Variants in ANAPC1 observed in about 807,000 individuals in gnomAD.
The protein encoded by ANAPC1 is anaphase-promoting complex subunit 1.
ANAPC1 carries 36 observed loss-of-function variants against 208.0 expected under a neutral mutation model. The observed-to-expected ratio is 0.17, with a 90% CI of 0.13 to 0.23. ANAPC1 has a LOEUF of 0.23. Ranked by LOEUF, ANAPC1 falls within the 10% of genes least tolerant of loss-of-function variation. The pLI, the probability that ANAPC1 is intolerant of heterozygous loss-of-function variation, is 1.00. For missense variants in ANAPC1, 942 were observed against 2,011.6 expected (o/e 0.47, Z 10.17); for synonymous variants, 378 against 695.2 (o/e 0.54, Z 7.18).
chr2:111,798,790 T>A (rs1307477018), intron 34 of ANAPC1, among the ~76,000 whole-genome samples: 9 of 152,228 alleles, frequency 5.9e-5, no homozygotes, highest in Non-Finnish European at 1.5e-5. Context: ...ATCCCAGCAC[T>A]TCGGGAGGCC....
rs1277713553 is a variant in ANAPC1, at chr2:111,864,843, A to G, written c.794T>C (p.Val265Ala). The G allele has an allele frequency of 6.2e-7, 1 of 1,611,572 alleles. No homozygotes were observed. Among genetic ancestry groups the G allele is most frequent in the Non-Finnish European group, 8.5e-7 (1 of 1,179,766 alleles). The stretch of plus-strand genomic sequence containing the variant: ...TCTCCGGAGAGTCCACACAGAATGC[A>G]CATTTTGAACAGCATCATAAGTCAT... ...IVMTYDAVQNVHSVWTLRRVK... is the reference protein window; with the variant it reads ...IVMTYDAVQNAHSVWTLRRVK... Residue 265 changes from valine (V) to alanine (A), a missense_variant, in exon 8 of 48, where the codon GTG becomes GCG. Physicochemically the swap from Val to Ala is moderately conservative, Grantham distance 64 (BLOSUM62 0). Transcript: ENST00000341068.
chr2:111,850,340 A>T (rs2104519067), intron 14 of ANAPC1, among the ~76,000 whole-genome samples: 1 of 152,164 alleles, frequency 6.6e-6, no homozygotes, highest in East Asian at 1.9e-4. Flanking sequence ...TATCCTACTC[A>T]ACCCCAAGGT....
intron 5 of ANAPC1, 169 bp downstream of exon 5, chr2:111,873,139 A>C: frequency 1.4e-6 from 1 of 695,986 alleles, no homozygotes; most frequent in Non-Finnish European, 2.2e-6. Context: ...TTTTCTTGTG[A>C]AGTACAGAAA....
chr2:111,883,195 A>C (rs1416787684), intron 1 of ANAPC1, among the ~76,000 whole-genome samples: 1 of 27,552 alleles, frequency 3.6e-5, no homozygotes, highest in Non-Finnish European at 1.4e-4. Flanking sequence ...AAACCCCACA[A>C]AAAAAAAAAC....
intron 13 of ANAPC1, among the ~76,000 whole-genome samples, chr2:111,855,492 T>A (rs1225083298): frequency 6.6e-6 from 1 of 151,904 alleles, no homozygotes; most frequent in Non-Finnish European, 1.5e-5. Context: ...CAAAATGAGG[T>A]ACGATGGAAT....
intron 29 of ANAPC1, among the ~76,000 whole-genome samples, chr2:111,807,406 T>A (rs1233559041): frequency 6.6e-6 from 1 of 151,638 alleles, no homozygotes; most frequent in Non-Finnish European, 1.5e-5. Context: ...AAAAACAATT[T>A]TTAGGCGGGG....
At chr2:111,790,599 A>G (rs1442272105) in intron 38 of ANAPC1, among the ~76,000 whole-genome samples, 1 of 152,096 alleles carries the variant, frequency 6.6e-6, no homozygotes, top group Non-Finnish European at 1.5e-5. Context: ...GTGAATGGAA[A>G]AGCTAAAAAC....
intron 18 of ANAPC1, among the ~76,000 whole-genome samples, chr2:111,837,401 C>A (rs1434045455): frequency 6.6e-6 from 1 of 151,984 alleles, no homozygotes; most frequent in Admixed American, 6.5e-5. Flanking sequence ...GTGGGCAGAT[C>A]ACGAGGTCAC....
downstream of ANAPC1, chr2:111,766,610 G>A (rs1453497660): frequency 3.4e-5 from 8 of 238,498 alleles, no homozygotes; most frequent in Non-Finnish European, 6.1e-5. Flanking sequence ...TGATCAGCAT[G>A]AGGATGGGAG....
intron 20 of ANAPC1, among the ~76,000 whole-genome samples, chr2:111,832,377 G>A (rs1319059775): frequency 6.9e-6 from 1 of 144,202 alleles, no homozygotes; most frequent in African/African-American, 2.6e-5. Context: ...AAAAACAAAA[G>A]AAACATCCAG....
intron 17 of ANAPC1, among the ~76,000 whole-genome samples, chr2:111,839,680 G>T (rs1040913018): frequency 1.3e-5 from 2 of 152,196 alleles, no homozygotes; most frequent in Non-Finnish European, 2.9e-5. Context: ...AAACCTGGTA[G>T]TAACAGTGAA....
intron 39 of ANAPC1, among the ~76,000 whole-genome samples, chr2:111,786,404 C>CA (rs199696004): frequency 0.2 from 22,905 of 116,570 alleles, 1,836 homozygotes; most frequent in Admixed American, 0.23. Flanking sequence ...GAAGAAAAAA[C>CA]AAAAAAAAAT....
chr2:111,883,579 A>G (rs1055676048), intron 1 of ANAPC1, among the ~76,000 whole-genome samples: 1 of 152,062 alleles, frequency 6.6e-6, no homozygotes, highest in African/African-American at 2.4e-5. Context: ...CGGGAGCTTA[A>G]GTCTCCACAA....
At chr2:111,871,593 A>G (rs1388709047) in intron 6 of ANAPC1, among the ~76,000 whole-genome samples, 2 of 152,160 alleles carry the variant, frequency 1.3e-5, no homozygotes, top group Non-Finnish European at 2.9e-5. Context: ...TCTACTAAAA[A>G]TACAAAAAAT....
intron 14 of ANAPC1, among the ~76,000 whole-genome samples, chr2:111,850,063 ATAAT>A (rs1203198571): frequency 7.9e-5 from 12 of 152,222 alleles, no homozygotes; most frequent in African/African-American, 2.4e-4. Flanking sequence ...TTCTAAGGAA[ATAAT>A]TAATACTAAT....
chr2:111,832,937 C>CAAA lies in ANAPC1; in HGVS notation c.2476+280_2476+282dup, dbSNP rs908553180. Among the ~76,000 whole-genome samples the CAAA allele has an allele frequency of 6.4e-3, 343 of 53,606 alleles. 21 individuals carry two copies. The highest frequency in any genetic ancestry group is 0.02 in the African/African-American group (318 of 15,584). The allele number at this position is 53,606 out of a possible 152,430, so 35.2% of individuals were successfully genotyped here. On this transcript the variant is annotated intron_variant, in intron 20 of 47. Transcript: ENST00000341068. The stretch of plus-strand genomic sequence containing the variant: ...TGGGTGACAGAGCGAGACTCAGTCT[C>CAAA]AAAAAAAAAAAAAAAAAAAGCATCC...
At chr2:111,823,494 T>C (rs538888813) in intron 24 of ANAPC1, among the ~76,000 whole-genome samples, 1 of 151,726 alleles carries the variant, frequency 6.6e-6, no homozygotes, top group African/African-American at 2.4e-5. Flanking sequence ...TACTGGTTTG[T>C]TATGGAAAAA....
chr2:111,837,564 T>C (rs1346360872), intron 18 of ANAPC1, among the ~76,000 whole-genome samples: 1 of 151,888 alleles, frequency 6.6e-6, no homozygotes, highest in Admixed American at 6.6e-5. Context: ...AGAGCCGACA[T>C]CGTGCCACTG....
intron 21 of ANAPC1, among the ~76,000 whole-genome samples, chr2:111,826,901 C>T (rs1201334888): frequency 3.9e-5 from 6 of 152,152 alleles, no homozygotes; most frequent in Middle Eastern, 3.4e-3. Flanking sequence ...CCTCGTGATC[C>T]GCCCTCCTCG....
Sources: allele counts gnomAD v4.1 joint callset (sites outside exome capture counted in the v4.1 genomes callset), GRCh38; gene constraint gnomAD v4.1.1; transcripts MANE v1.5; gene names NCBI Gene and HGNC (gene_info 2026-07-23, HGNC 2026-07-21).